DAB1: variants seen among roughly 807,000 people sequenced by gnomAD.
The protein encoded by DAB1 is disabled homolog 1.
In DAB1, 15 loss-of-function variants were observed where a neutral mutation model predicts 64.6. That is an observed-to-expected ratio of 0.23 (90% confidence interval 0.16 to 0.36). The LOEUF (loss-of-function observed/expected upper bound fraction) is 0.36. DAB1 is among the 10% of genes least tolerant of loss of function. The pLI is 1.00. For synonymous variants in DAB1, 235 were observed against 251.9 expected, an observed-to-expected ratio of 0.93 and a Z score of 0.64; for missense variants, 596 against 706.7, an observed-to-expected ratio of 0.84 and a Z score of 1.78.
intron 6 of DAB1, among the ~76,000 whole-genome samples, chr1:57,799,339 G>A (rs548917455): frequency 1.3e-5 from 2 of 152,216 alleles, no homozygotes; most frequent in South Asian, 4.1e-4. Flanking sequence ...TAAGCCTTCG[G>A]TGGCTTCCAC....
intron 7 of DAB1, among the ~76,000 whole-genome samples, chr1:57,527,304 C>G (rs1411602535): frequency 1.3e-5 from 2 of 152,178 alleles, no homozygotes; most frequent in South Asian, 2.1e-4. Flanking sequence ...TGGTATCACA[C>G]TAATTTACAT....
chr1:57,529,150 T>C (rs1644631836), intron 7 of DAB1, among the ~76,000 whole-genome samples: 1 of 152,010 alleles, frequency 6.6e-6, no homozygotes, highest in Non-Finnish European at 1.5e-5. Flanking sequence ...ACAATATAAG[T>C]AACAATTTTA....
chr1:58,156,184 T>C (rs1294933564), intron 4 of DAB1, among the ~76,000 whole-genome samples: 2 of 152,234 alleles, frequency 1.3e-5, no homozygotes, highest in Non-Finnish European at 2.9e-5. Flanking sequence ...CCCACTCTTA[T>C]CTCACTTTAT....
chr1:57,479,455 T>G (rs1643983417), intron 7 of DAB1, among the ~76,000 whole-genome samples: 1 of 148,882 alleles, frequency 6.7e-6, no homozygotes, highest in African/African-American at 2.4e-5. Context: ...TATATATATT[T>G]TATATATATA....
intron 7 of DAB1, among the ~76,000 whole-genome samples, chr1:57,553,002 G>A (rs899250767): frequency 6.6e-6 from 1 of 152,046 alleles, no homozygotes; most frequent in Non-Finnish European, 1.5e-5. Context: ...GACTGGGATG[G>A]TTCCAGTCCC....
intron 5 of DAB1, among the ~76,000 whole-genome samples, chr1:58,062,870 A>G (rs1351886245): frequency 6.6e-6 from 1 of 152,212 alleles, no homozygotes. Flanking sequence ...AAAGCACACA[A>G]TGAGACAATT....
chr1:57,304,474 G>A (rs554742916), intron 1 of DAB1, among the ~76,000 whole-genome samples: 2 of 152,226 alleles, frequency 1.3e-5, no homozygotes, highest in African/African-American at 4.8e-5. Context: ...GAGCATCACC[G>A]TCTCACGGAC....
chr1:58,457,994 A>T (rs977871402), intron 3 of DAB1, among the ~76,000 whole-genome samples: 2 of 152,206 alleles, frequency 1.3e-5, no homozygotes, highest in African/African-American at 4.8e-5. Flanking sequence ...ACAATTAGTT[A>T]CAAGTAACTC....
At chr1:57,683,569 A>G (rs1646661605) in intron 6 of DAB1, among the ~76,000 whole-genome samples, 1 of 152,220 alleles carries the variant, frequency 6.6e-6, no homozygotes, top group African/African-American at 2.4e-5. Flanking sequence ...TTCATCCACA[A>G]ATAAAGATCT....
intron 5 of DAB1, among the ~76,000 whole-genome samples, chr1:58,014,383 G>C (rs2806402): frequency 0.62 from 94,277 of 152,078 alleles, 29,872 homozygotes; most frequent in East Asian, 0.98. Context: ...CACTCTCTCA[G>C]ATGCTGTGGA....
At chr1:57,869,745 AATTT>A (rs1365427864) in intron 1 of DAB1, among the ~76,000 whole-genome samples, 1 of 152,104 alleles carries the variant, frequency 6.6e-6, no homozygotes, top group Non-Finnish European at 1.5e-5. Context: ...AATTAGAGCT[AATTT>A]ATTACTTCTC....
intron 4 of DAB1, among the ~76,000 whole-genome samples, chr1:57,092,776 C>G (rs140250638): frequency 2.5e-3 from 379 of 151,870 alleles, no homozygotes; most frequent in African/African-American, 8.7e-3. Context: ...AAGTCTCTGA[C>G]AGTTATAAGG....
In DAB1 at chr1:58,300,596, GAAAGA is replaced by G. The variant is rs1557726022; in HGVS notation, n.309+42751_309+42755del. Among the ~76,000 whole-genome samples the G allele has an allele frequency of 2.5e-3, 104 of 41,184 alleles. 1 individual carries two copies. Among genetic ancestry groups the G allele is most frequent in the African/African-American group, 8.8e-3 (98 of 11,074 alleles). The allele number at this position is 41,184 out of a possible 152,430, so 27.0% of individuals were successfully genotyped here. On this transcript the variant is annotated intron_variant and non_coding_transcript_variant, in intron 4 of 20. Transcript: ENST00000485760. Reference sequence around the variant, plus strand: ...AGAAAGAAAGAAAGAAAGAAAGAAAGAAAGAAAGAAAGAAAGAGAGAGAGAGAGAG... The same window carrying G: ...AGAAAGAAAGAAAGAAAGAAAGAAAGAAGAAAGAAAGAGAGAGAGAGAGAG...
intron 3 of DAB1, among the ~76,000 whole-genome samples, chr1:57,139,993 G>A (rs1054998723): frequency 9.2e-5 from 14 of 152,100 alleles, no homozygotes; most frequent in African/African-American, 3.4e-4. Context: ...ACAGGACTCT[G>A]GGTCAAGCTC....
intron 5 of DAB1, among the ~76,000 whole-genome samples, chr1:58,036,908 G>A (rs1198327944): frequency 6.6e-6 from 1 of 152,154 alleles, no homozygotes; most frequent in South Asian, 2.1e-4. Flanking sequence ...AGTTGTGTAT[G>A]GCCATGTGCC....
intron 5 of DAB1, among the ~76,000 whole-genome samples, chr1:58,104,596 C>T: frequency 6.6e-6 from 1 of 152,196 alleles, no homozygotes; most frequent in Admixed American, 6.5e-5. Flanking sequence ...CAAATTACCA[C>T]TCTCAGCTAA....
chr1:57,819,355 G>A (rs852763), intron 6 of DAB1, among the ~76,000 whole-genome samples: 46,995 of 152,136 alleles, frequency 0.31, 8,655 homozygotes, highest in Admixed American at 0.46. Context: ...GTTCCTTTAC[G>A]GAGGATATCC....
chr1:57,191,252 G>A (rs780150406), intron 2 of DAB1, among the ~76,000 whole-genome samples: 48 of 152,240 alleles, frequency 3.2e-4, no homozygotes, highest in Non-Finnish European at 5.9e-4. Flanking sequence ...TATCCTCCTG[G>A]CCAAAGTTTC....
chr1:57,485,228 T>C (rs1438142439), intron 7 of DAB1, among the ~76,000 whole-genome samples: 3 of 152,142 alleles, frequency 2.0e-5, no homozygotes, highest in African/African-American at 7.2e-5. Context: ...GGTGATTTTA[T>C]ATACCCTGGG....
Sources: gnomAD v4.1 joint callset for allele counts (sites outside exome capture counted in the v4.1 genomes callset) on GRCh38, gnomAD v4.1.1 for gene constraint, MANE v1.5 for transcripts, NCBI Gene and HGNC (gene_info 2026-07-23, HGNC 2026-07-21) for gene names.